FLRT2: variants seen among roughly 807,000 people sequenced by gnomAD.
The protein encoded by FLRT2 is fibronectin leucine rich transmembrane protein 2.
Under a neutral mutation model 40.0 loss-of-function variants are expected in FLRT2, and 15 were observed. The observed-to-expected ratio is 0.38, with a 90% CI of 0.25 to 0.58. The LOEUF is 0.58. Among genes scored for constraint, FLRT2 ranks in the 20% least tolerant of loss-of-function variants. The pLI is 0.71. For missense variants in FLRT2, 726 were observed against 840.0 expected (o/e 0.86, Z 1.68); for synonymous variants, 380 against 336.8 (o/e 1.13, Z -1.41).
At chr14:85,555,692 TTTTATTTTATTTTATTTTA>T (rs1566725149) in intron 1 of FLRT2, among the ~76,000 whole-genome samples, 10 of 147,866 alleles carry the variant, frequency 6.8e-5, no homozygotes, top group Non-Finnish European at 1.2e-4. Flanking sequence ...CTGAAATCTA[TTTTATTTTATTTTATTTTA>T]TTTTATTTTA....
At chr14:85,534,618 T>C (rs1208401492) in intron 1 of FLRT2, among the ~76,000 whole-genome samples, 1 of 151,586 alleles carries the variant, frequency 6.6e-6, no homozygotes, top group African/African-American at 2.4e-5. Context: ...TCTGTGTGTG[T>C]GCGTGTGTTT....
chr14:85,601,489 T>G (rs2139334078), intron 1 of FLRT2, among the ~76,000 whole-genome samples: 1 of 152,256 alleles, frequency 6.6e-6, no homozygotes, highest in Non-Finnish European at 1.5e-5. Flanking sequence ...TCCTAGCAGC[T>G]GGTGAATGGC....
intron 1 of FLRT2, among the ~76,000 whole-genome samples, chr14:85,619,558 C>T (rs1436527126): frequency 6.6e-6 from 1 of 152,194 alleles, no homozygotes; most frequent in East Asian, 1.9e-4. Flanking sequence ...TTATAGAACA[C>T]ATTTACAACA....
chr14:85,595,298 C>T (rs1892084364), intron 1 of FLRT2, among the ~76,000 whole-genome samples: 1 of 152,018 alleles, frequency 6.6e-6, no homozygotes, highest in East Asian at 1.9e-4. Context: ...CTTTGGGAGT[C>T]ATATAATCCT....
rs988535686 is a variant in FLRT2, at chr14:85,636,391, A to G, written c.*12894A>G. 1.3e-3 allele frequency: 4 copies of G among 3,110 alleles called. No homozygotes were observed. The highest frequency in any genetic ancestry group is 0.02 in the South Asian group (2 of 98). 0.2% of individuals were successfully genotyped at this position (3,110 alleles called of 1,614,324 possible). On this transcript the variant is annotated 3_prime_UTR_variant, in exon 2 of 2. Transcript: ENST00000330753. ...AAATCAAAGGTGAAGTCACCTGCAGAAAAAAAAAAAAAAAAAACAAAAAAC... is the reference window on the plus strand; with the variant it reads ...AAATCAAAGGTGAAGTCACCTGCAGGAAAAAAAAAAAAAAAAACAAAAAAC...
rs758575055 is a variant in FLRT2, at chr14:85,626,548, C to G, written c.*3051C>G. The G allele has an allele frequency of 9.0e-5, 15 of 167,044 alleles. No individual in the cohort carries two copies. Among genetic ancestry groups the G allele is most frequent in the South Asian group, 2.1e-4 (1 of 4,828 alleles). 10.3% of individuals were successfully genotyped at this position (167,044 alleles called of 1,614,324 possible). On this transcript the variant is annotated 3_prime_UTR_variant, in exon 2 of 2. Transcript: ENST00000330753. Reference sequence around the variant, plus strand: ...ATCAAAAGGATATATTGACAGTTATCTATAGCCAGGGTAGTTGTTAATACC... The same window carrying G: ...ATCAAAAGGATATATTGACAGTTATGTATAGCCAGGGTAGTTGTTAATACC...
At chr14:85,593,137 A>C (rs1216227560) in intron 1 of FLRT2, among the ~76,000 whole-genome samples, 1 of 152,222 alleles carries the variant, frequency 6.6e-6, no homozygotes, top group Non-Finnish European at 1.5e-5. Flanking sequence ...ACTGTTTTTT[A>C]AGAACATTTA....
Position 85,621,799 on chromosome 14 carries a change from G to C in FLRT2, c.285G>C (p.Leu95=). The change falls in exon 2 of 2, where the codon CTG becomes CTC. Residue 95 remains leucine, a synonymous_variant. Transcript: ENST00000330753. ...HNVQSVHTVY[L]YGNQLDEFPM... is the part of the protein sequence containing the mutation. The stretch of plus-strand genomic sequence containing the variant: ...TACAGTCGGTGCACACGGTCTACCT[G>C]TATGGCAACCAACTGGACGAATTCC... The C allele has an allele frequency of 6.2e-7, 1 of 1,614,172 alleles. No individual in the cohort carries two copies. The highest frequency in any genetic ancestry group is 8.5e-7 in the Non-Finnish European group (1 of 1,180,032).
chr14:85,578,622 T>C (rs1346321109), intron 1 of FLRT2, among the ~76,000 whole-genome samples: 1 of 152,106 alleles, frequency 6.6e-6, no homozygotes, highest in Non-Finnish European at 1.5e-5. Context: ...AAAATAGTCA[T>C]CGTAGCATCG....
rs144217536 is a variant in FLRT2 at position 85,644,724 on chromosome 14, G to T, written c.*21227G>T. On this transcript the variant is annotated 3_prime_UTR_variant, in exon 2 of 2. Transcript: ENST00000330753. Reference sequence around the variant, plus strand: ...TTCGATACTTTGGATTCAATACTTAGTAATCCCTAAAGCTGTGAATTTGGA... The same window carrying T: ...TTCGATACTTTGGATTCAATACTTATTAATCCCTAAAGCTGTGAATTTGGA... 1 of 152,316 alleles carries T rather than the reference G, an allele frequency of 6.6e-6. No homozygotes were observed. Among genetic ancestry groups the T allele is most frequent in the East Asian group, 1.9e-4 (1 of 5,182 alleles). 9.4% of individuals were successfully genotyped at this position (152,316 alleles called of 1,614,324 possible).
Position 85,622,339 on chromosome 14 carries a change from G to A in FLRT2, c.825G>A (p.Leu275=), listed in dbSNP as rs766645706. The change falls in exon 2 of 2, where the codon CTG becomes CTA. Residue 275 remains leucine (L), a synonymous_variant. Transcript: ENST00000330753. ...TTCCTTTGACAGCCTTCTCAAATCTGCGTAAGCTGGAACGGCTGGATATAT... is the reference window on the plus strand; with the variant it reads ...TTCCTTTGACAGCCTTCTCAAATCTACGTAAGCTGGAACGGCTGGATATAT... ...NHIPLTAFSN[L]RKLERLDISN... is the part of the protein sequence containing the mutation. 1 of 1,614,148 alleles carries A rather than the reference G, an allele frequency of 6.2e-7. No homozygotes were observed. Among genetic ancestry groups the A allele is most frequent in the Non-Finnish European group, 8.5e-7 (1 of 1,180,020 alleles).
rs1274452412 is a variant in FLRT2, at chr14:85,649,968, A to C, written c.*26471A>C. 2 of 152,028 alleles carry C rather than the reference A, an allele frequency of 1.3e-5. No homozygotes were observed. The highest frequency in any genetic ancestry group is 3.9e-4 in the East Asian group (2 of 5,186). The allele number at this position is 152,028 out of a possible 1,614,324, so 9.4% of individuals were successfully genotyped here. On this transcript the variant is annotated 3_prime_UTR_variant, in exon 2 of 2. Coordinates refer to ENST00000330753, the MANE Select transcript of FLRT2 (RefSeq NM_013231.6). ...ATTTTAATAACACAAGAAAGTAAAGAAAGTAATACAAGGAACACTCATGTA... is the reference window on the plus strand; with the variant it reads ...ATTTTAATAACACAAGAAAGTAAAGCAAGTAATACAAGGAACACTCATGTA...
intron 1 of FLRT2, among the ~76,000 whole-genome samples, chr14:85,574,159 T>C (rs867676152): frequency 1.3e-5 from 2 of 152,250 alleles, no homozygotes; most frequent in Middle Eastern, 3.4e-3. Flanking sequence ...TCATTCAGAA[T>C]TTCCCCATGA....
rs574889611 is a variant in FLRT2, at chr14:85,640,734, G to A, written c.*17237G>A. On this transcript the variant is annotated 3_prime_UTR_variant, in exon 2 of 2. Transcript: ENST00000330753. ...CGAGCATCTCTGCAAAGAGATTTGA[G>A]CCCCTTGAGTAGAACATAGGCCACA... 3 of 152,260 alleles carry A rather than the reference G, an allele frequency of 2.0e-5. No homozygotes were observed. The highest frequency in any genetic ancestry group is 1.3e-4 in the Admixed American group (2 of 15,304). 9.4% of individuals were successfully genotyped at this position (152,260 alleles called of 1,614,324 possible). A position where few individuals can be genotyped will look rare whatever the true frequency, so the allele number is the denominator to read the frequency against.
At position 85,622,423 on chromosome 14, in the gene FLRT2, G is replaced by A; in HGVS notation, c.909G>A (p.Lys303=). 6.2e-7 allele frequency: 1 copy of A among 1,614,100 alleles called. No homozygotes were observed. Among genetic ancestry groups the A allele is most frequent in the South Asian group, 1.1e-5 (1 of 91,080 alleles). Residue 303 remains lysine (K), a synonymous_variant, in exon 2 of 2, where the codon AAG becomes AAA. Coordinates refer to ENST00000330753, the MANE Select transcript of FLRT2 (RefSeq NM_013231.6). The part of the protein sequence containing the change: ...QGVFDNLSNL[K]QLTARNNPWF... ...TTTTTGATAATCTCTCCAACCTGAAGCAGCTCACTGCTCGGAATAACCCTT... is the reference window on the plus strand; with the variant it reads ...TTTTTGATAATCTCTCCAACCTGAAACAGCTCACTGCTCGGAATAACCCTT...
chr14:85,647,130 C>T lies in FLRT2; in HGVS notation c.*23633C>T, dbSNP rs902112283. ...TACAATTTTAGTATCTCATATGCTT[C>T]GTGTACATGTCATGTATGAAGGTGC... On this transcript the variant is annotated 3_prime_UTR_variant, in exon 2 of 2. Transcript: ENST00000330753. 6.6e-6 allele frequency: 1 copy of T among 152,062 alleles called. No homozygotes were observed. The highest frequency in any genetic ancestry group is 1.5e-5 in the Non-Finnish European group (1 of 68,014). 9.4% of individuals were successfully genotyped at this position (152,062 alleles called of 1,614,324 possible).
chr14:85,550,349 G>A (rs7154159), intron 1 of FLRT2, among the ~76,000 whole-genome samples: 135,692 of 152,190 alleles, frequency 0.89, 60,940 homozygotes, highest in Non-Finnish European at 0.95. Flanking sequence ...GGGAATGGCT[G>A]TTAGGAATCA....
chr14:85,587,294 A>G (rs1056578146), intron 1 of FLRT2, among the ~76,000 whole-genome samples: 43 of 140,426 alleles, frequency 3.1e-4, no homozygotes, highest in African/African-American at 1.1e-3. Context: ...ATGGAAAAAA[A>G]AAAAAAAAAA....
At chr14:85,542,948 T>C (rs1413189529) in intron 1 of FLRT2, among the ~76,000 whole-genome samples, 2 of 152,196 alleles carry the variant, frequency 1.3e-5, no homozygotes, top group Non-Finnish European at 2.9e-5. Flanking sequence ...TAGGTTGGCC[T>C]ATAGTCACTC....
Sources: gnomAD v4.1 joint callset for allele counts (sites outside exome capture counted in the v4.1 genomes callset) on GRCh38, gnomAD v4.1.1 for gene constraint, MANE v1.5 for transcripts, NCBI Gene and HGNC (gene_info 2026-07-23, HGNC 2026-07-21) for gene names.